The following SORCS2 variants were observed in gnomAD, a reference collection of about 807,000 sequenced individuals.
SORCS2 encodes VPS10 domain-containing receptor SorCS2.
Under a neutral mutation model 141.6 loss-of-function variants are expected in SORCS2, and 100 were observed. The ratio of observed to expected loss-of-function variants is 0.71; its 90% CI spans 0.60 to 0.83. SORCS2 has a LOEUF of 0.83. Among genes scored for constraint, SORCS2 ranks in the 40% least tolerant of loss-of-function variants. SORCS2 has a pLI of 0.00. For synonymous variants in SORCS2, 789 were observed against 676.9 expected (o/e 1.17, Z -2.57); for missense variants, 1,646 against 1,560.2 (o/e 1.05, Z -0.93).
At chr4:7,462,410 G>C (rs1729366850) in intron 2 of SORCS2, among the ~76,000 whole-genome samples, 3 of 152,176 alleles carry the variant, frequency 2.0e-5, no homozygotes, top group African/African-American at 7.2e-5. Flanking sequence ...GTGGGACTAA[G>C]AACTTTGGCC....
At chr4:7,590,013 C>T (rs1716808964) in intron 3 of SORCS2, among the ~76,000 whole-genome samples, 1 of 152,048 alleles carries the variant, frequency 6.6e-6, no homozygotes, top group South Asian at 2.1e-4. Context: ...AGAGAAAGGG[C>T]TGGAGGATGC....
In SORCS2 at chr4:7,497,229, C is replaced by T. The variant is rs563852101; in HGVS notation, c.549-34301C>T. 2.6e-5 allele frequency among the ~76,000 whole-genome samples: 4 copies of T among 152,376 alleles called. 1 individual carries two copies. In the South Asian group the frequency reaches 6.2e-4, roughly 24 times the overall value. On this transcript the variant is annotated intron_variant, in intron 2 of 26. Transcript: ENST00000507866. ...CATTTAAGGGCTAAAGAGAAAGGAA[C>T]GTGTCAGGAGACCCACTGTGTGCCT...
At chr4:7,513,099 AC>A (rs60904169) in intron 2 of SORCS2, among the ~76,000 whole-genome samples, 41,973 of 152,096 alleles carry the variant, frequency 0.28, 7,059 homozygotes, top group East Asian at 0.74. Context: ...AGACCCAGGT[AC>A]CCCTGCCTCA....
intron 11 of SORCS2, 83 bp from the exon 12 acceptor site, chr4:7,697,115 G>A: frequency 1.6e-6 from 2 of 1,231,056 alleles, no homozygotes; most frequent in Admixed American, 4.2e-5. Context: ...ACCGTTGCTT[G>A]AGGTTTTTCC....
At chr4:7,267,039 A>G (rs1936953035) in intron 1 of SORCS2, among the ~76,000 whole-genome samples, 1 of 152,100 alleles carries the variant, frequency 6.6e-6, no homozygotes, top group Non-Finnish European at 1.5e-5. Context: ...GCAGGCTGCT[A>G]TTGGTACCAG....
At chr4:7,598,314 G>C (rs888292294) in intron 3 of SORCS2, among the ~76,000 whole-genome samples, 3 of 152,106 alleles carry the variant, frequency 2.0e-5, no homozygotes, top group Non-Finnish European at 4.4e-5. Flanking sequence ...GCTGGGGCTG[G>C]CTTTGTCCTA....
chr4:7,737,937 C>A (rs1428326129), intron 26 of SORCS2, among the ~76,000 whole-genome samples: 1 of 152,214 alleles, frequency 6.6e-6, no homozygotes, highest in Non-Finnish European at 1.5e-5. Flanking sequence ...ACCGGGACAC[C>A]TGCACATGGT....
At chr4:7,638,874 C>T (rs945069999) in intron 4 of SORCS2, among the ~76,000 whole-genome samples, 36 of 152,374 alleles carry the variant, frequency 2.4e-4, no homozygotes, top group African/African-American at 8.2e-4. Context: ...TCAGACCTCA[C>T]TAGGCCTTTC....
chr4:7,375,401 G>A (rs1402991618), intron 1 of SORCS2, among the ~76,000 whole-genome samples: 2 of 152,234 alleles, frequency 1.3e-5, no homozygotes, highest in African/African-American at 4.8e-5. Flanking sequence ...CCCGTGTTGG[G>A]TGAGAGATCT....
intron 3 of SORCS2, among the ~76,000 whole-genome samples, chr4:7,545,525 C>G (rs1713189953): frequency 6.6e-6 from 1 of 152,206 alleles, no homozygotes; most frequent in Non-Finnish European, 1.5e-5. Context: ...TCCCCCAGGA[C>G]AGTGACTGTG....
chr4:7,685,658 G>A (rs529902394), intron 10 of SORCS2, among the ~76,000 whole-genome samples: 91 of 150,244 alleles, frequency 6.1e-4, no homozygotes, highest in African/African-American at 2.0e-3. Context: ...GTGACAGAGC[G>A]AGATTCCACC....
At chr4:7,651,217 G>A (rs997366230) in intron 4 of SORCS2, among the ~76,000 whole-genome samples, 17 of 152,228 alleles carry the variant, frequency 1.1e-4, no homozygotes, top group African/African-American at 2.9e-4. Flanking sequence ...AAAGGCAAAC[G>A]CGTGTTGTGG....
At chr4:7,506,204 G>A (rs1027655159) in intron 2 of SORCS2, among the ~76,000 whole-genome samples, 5 of 151,702 alleles carry the variant, frequency 3.3e-5, no homozygotes, top group Non-Finnish European at 7.4e-5. Context: ...GTGAGAAAAG[G>A]AACTTCTTTT....
At chr4:7,618,358 C>G (rs528653260) in intron 3 of SORCS2, among the ~76,000 whole-genome samples, 46 of 152,282 alleles carry the variant, frequency 3.0e-4, no homozygotes, top group African/African-American at 1.1e-3. Context: ...TCTTCCAGGG[C>G]TTTTTCCAGG....
chr4:7,479,628 C>A (rs1230176796), intron 2 of SORCS2, among the ~76,000 whole-genome samples: 1 of 152,232 alleles, frequency 6.6e-6, no homozygotes, highest in Admixed American at 6.5e-5. Context: ...TGCTGGGCTC[C>A]CCTCGTTCCT....
rs538230005 is a variant in SORCS2, at chr4:7,200,538, C to T, written c.480+7412C>T. 2.0e-4 allele frequency among the ~76,000 whole-genome samples: 30 copies of T among 152,322 alleles called. 1 individual carries two copies. The South Asian group carries it at 4.8e-3, about 24-fold the overall frequency. ...ACCCGGACGTTGTTTATGCTTAGTA[C>T]ACATTTGCTAATTTATTTGTATTTT... On this transcript the variant is annotated intron_variant, in intron 1 of 26. Coordinates refer to ENST00000507866, the MANE Select transcript of SORCS2 (RefSeq NM_020777.3).
At chr4:7,643,667 C>G (rs1193131465) in intron 4 of SORCS2, among the ~76,000 whole-genome samples, 2 of 152,054 alleles carry the variant, frequency 1.3e-5, no homozygotes, top group Non-Finnish European at 2.9e-5. Flanking sequence ...TCACATATGA[C>G]AAGAAAAAGA....
chr4:7,419,728 C>T (rs1015678578), intron 2 of SORCS2, among the ~76,000 whole-genome samples: 1 of 152,130 alleles, frequency 6.6e-6, no homozygotes, highest in Non-Finnish European at 1.5e-5. Context: ...GGCCTCTCTG[C>T]ACTGGTCCAA....
At chr4:7,641,182 T>C (rs1720705142) in intron 4 of SORCS2, among the ~76,000 whole-genome samples, 1 of 152,140 alleles carries the variant, frequency 6.6e-6, no homozygotes, top group Non-Finnish European at 1.5e-5. Context: ...TATTAGCCCA[T>C]TGTCACACTG....
Sources: gnomAD v4.1 joint callset for allele counts (sites outside exome capture counted in the v4.1 genomes callset) on GRCh38, gnomAD v4.1.1 for gene constraint, MANE v1.5 for transcripts, NCBI Gene and HGNC (gene_info 2026-07-23, HGNC 2026-07-21) for gene names.